The following ZNF48 variants were observed in gnomAD, a reference collection of about 807,000 sequenced individuals.
ZNF48 encodes zinc finger protein 553.
In ZNF48, 20 loss-of-function variants were observed where a neutral mutation model predicts 40.0. The ratio of observed to expected loss-of-function variants is 0.50; its 90% CI spans 0.35 to 0.73. The LOEUF (loss-of-function observed/expected upper bound fraction) is 0.73. Ranked by LOEUF, ZNF48 falls within the 30% of genes least tolerant of loss-of-function variation. The pLI is 0.01. For synonymous variants in ZNF48, 298 were observed against 329.7 expected (o/e 0.90, Z 1.04); for missense variants, 726 against 851.9 (o/e 0.85, Z 1.84).
Position 30,382,171 on chromosome 16 carries a change from C to G in ZNF48, c.-16+3761C>G, listed in dbSNP as rs1378888330. 1 of 1,609,138 alleles carries G rather than the reference C, an allele frequency of 6.2e-7. No homozygotes were observed. Among genetic ancestry groups the G allele is most frequent in the Non-Finnish European group, 8.5e-7 (1 of 1,177,808 alleles). On this transcript the variant is annotated intron_variant, in intron 1 of 2. Transcript: ENST00000528032. This position sits in a 1 kb window ranked among gnomAD's most constrained non-coding sequence, Gnocchi z 4.8. ...TTGATGAGGGTGGATTTCCCTAGGCCTGACTCCCCTGTGGACAGAACAGGC... is the reference window on the plus strand; with the variant it reads ...TTGATGAGGGTGGATTTCCCTAGGCGTGACTCCCCTGTGGACAGAACAGGC...
chr16:30,379,701 T>A (rs2049815914), intron 1 of ZNF48: 1 of 536,490 alleles, frequency 1.9e-6, no homozygotes, highest in East Asian at 3.3e-5. Context: ...CAGGCTGGAG[T>A]GTTCAAGTGA....
At chr16:30,386,743 C>A (rs150304673) in intron 1 of ZNF48, among the ~76,000 whole-genome samples, 4 of 151,988 alleles carry the variant, frequency 2.6e-5, no homozygotes, top group Non-Finnish European at 4.4e-5. Context: ...CGGCTCACTG[C>A]AACCTCTGCC....
upstream of ZNF48, among the ~76,000 whole-genome samples, chr16:30,391,190 G>A (rs748791381): frequency 6.6e-6 from 1 of 151,944 alleles, no homozygotes; most frequent in Non-Finnish European, 1.5e-5. Flanking sequence ...CACACATTAG[G>A]TTTTCTTTTA....
At chr16:30,385,890 C>T (rs1369537524) in intron 1 of ZNF48, among the ~76,000 whole-genome samples, 3 of 151,914 alleles carry the variant, frequency 2.0e-5, no homozygotes, top group African/African-American at 7.3e-5. Context: ...CTTTGGGAGG[C>T]TGAGGTGGGA....
chr16:30,382,370 G>A lies in ZNF48; in HGVS notation c.-16+3960G>A, dbSNP rs41292382. On this transcript the variant is annotated intron_variant, in intron 1 of 2. Coordinates refer to the ZNF48 transcript ENST00000528032. The surrounding 1 kb of genome is among the most constrained non-coding windows in gnomAD (Gnocchi z 4.8). ...AAAACCCACGTACTCCTTGTCCTAT[G>A]GATGGGGGTGGACAATATGAGGCTG... The A allele has an allele frequency of 6.2e-7, 1 of 1,606,658 alleles. No individual in the cohort carries two copies. Among genetic ancestry groups the A allele is most frequent in the Non-Finnish European group, 8.5e-7 (1 of 1,175,328 alleles).
chr16:30,386,760 G>A (rs1192039193), intron 1 of ZNF48, among the ~76,000 whole-genome samples: 2 of 151,738 alleles, frequency 1.3e-5, no homozygotes, highest in Non-Finnish European at 2.9e-5. Flanking sequence ...TGCCTCCCGG[G>A]TTCAAGTGAT....
intron 2 of ZNF48, among the ~76,000 whole-genome samples, chr16:30,396,179 C>T (rs1008052544): frequency 1.3e-5 from 2 of 152,178 alleles, no homozygotes; most frequent in Non-Finnish European, 2.9e-5. Flanking sequence ...GATGCATTCT[C>T]TCGCCAGCTT....
Position 30,399,159 on chromosome 16 carries a change from G to C in ZNF48, c.*52G>C. 1 of 1,485,260 alleles carries C rather than the reference G, an allele frequency of 6.7e-7. No homozygotes were observed. 92.0% of individuals were successfully genotyped at this position (1,485,260 alleles called of 1,614,324 possible). On this transcript the variant is annotated 3_prime_UTR_variant, in exon 3 of 3. Transcript: ENST00000613509. Reference sequence around the variant, plus strand: ...GGAGACCAAAGGGAGGGGCTCTGCCGCTTAGCAGAGAAGAAAGGGCCTGGG... The same window carrying C: ...GGAGACCAAAGGGAGGGGCTCTGCCCCTTAGCAGAGAAGAAAGGGCCTGGG...
In ZNF48 at chr16:30,380,176, A is replaced by G. The variant is rs550021133; in HGVS notation, c.-16+1766A>G. ...AAGACAGAGATGGGGAGAGATGGAC[A>G]TACAGGAAGACAAAAACAAAATCTC... On this transcript the variant is annotated intron_variant, in intron 1 of 2. Transcript: ENST00000528032. The G allele has an allele frequency of 1.6e-5, 9 of 561,104 alleles. No individual in the cohort carries two copies. In the South Asian group the frequency reaches 1.8e-4, roughly 11 times the overall value. The allele number at this position is 561,104 out of a possible 1,614,324, so 34.8% of individuals were successfully genotyped here.
intron 1 of ZNF48, among the ~76,000 whole-genome samples, chr16:30,388,982 C>T (rs925625139): frequency 1.7e-4 from 26 of 151,964 alleles, no homozygotes; most frequent in Admixed American, 1.3e-3. Context: ...CTCTTGTGGC[C>T]GGGTGTGGTG....
upstream of ZNF48, chr16:30,395,249 G>T: frequency 2.2e-6 from 1 of 456,280 alleles, no homozygotes; most frequent in Middle Eastern, 3.3e-4. The surrounding 1 kb of genome is among the most constrained non-coding windows in gnomAD (Gnocchi z 5.9). Context: ...GGAGGCACAC[G>T]GTTAATACCA....
At chr16:30,380,884 T>A in intron 1 of ZNF48, 1 of 563,816 alleles carries the variant, frequency 1.8e-6, no homozygotes, top group South Asian at 2.1e-5. Flanking sequence ...CTCATGTCTA[T>A]GCTCCTGCCC....
chr16:30,395,484 C>T lies in ZNF48; in HGVS notation c.-110C>T. 1 of 327,610 alleles carries T rather than the reference C, an allele frequency of 3.1e-6. No individual in the cohort carries two copies. Among genetic ancestry groups the T allele is most frequent in the South Asian group, 2.2e-5 (1 of 44,912 alleles). 20.3% of individuals were successfully genotyped at this position (327,610 alleles called of 1,614,324 possible). ...AGCCCGCTCCCGGCTTGGCGCGGAG[C>T]CTGCATCCCGGAGCCGCTGGCGGCT... On this transcript the variant is annotated 5_prime_UTR_variant, in exon 1 of 3. Coordinates refer to ENST00000613509, the MANE Select transcript of ZNF48 (RefSeq NM_001214909.2). This position sits in a 1 kb window ranked among gnomAD's most constrained non-coding sequence, Gnocchi z 5.9.
rs935067883 is a variant in ZNF48, at chr16:30,395,941, G to A, written c.79+68G>A. 21 of 1,418,172 alleles carry A rather than the reference G, an allele frequency of 1.5e-5. No individual in the cohort carries two copies. The African/African-American group carries it at 2.7e-4, about 19-fold the overall frequency. 87.8% of individuals were successfully genotyped at this position (1,418,172 alleles called of 1,614,324 possible). A position where few individuals can be genotyped will look rare whatever the true frequency, so the allele number is the denominator to read the frequency against. ...GGTGGGGACTGCGATGCTTGGCTGTGGCCGGCCGAGATCCTGGAAGATCGG... is the reference window on the plus strand; with the variant it reads ...GGTGGGGACTGCGATGCTTGGCTGTAGCCGGCCGAGATCCTGGAAGATCGG... On this transcript the variant is annotated intron_variant, in intron 2 of 2. Coordinates refer to ENST00000613509, the MANE Select transcript of ZNF48 (RefSeq NM_001214909.2). This position sits in a 1 kb window ranked among gnomAD's most constrained non-coding sequence, Gnocchi z 5.9.
intron 1 of ZNF48, chr16:30,378,813 C>G: frequency 1.1e-6 from 1 of 890,690 alleles, no homozygotes; most frequent in Non-Finnish European, 1.6e-6. Flanking sequence ...GAGCCAGTTC[C>G]TTGAGGTTAG....
At chr16:30,389,609 T>G (rs1032841864) in intron 1 of ZNF48, among the ~76,000 whole-genome samples, 1 of 149,882 alleles carries the variant, frequency 6.7e-6, no homozygotes, top group Non-Finnish European at 1.5e-5. Flanking sequence ...TTGGTCATTG[T>G]GTTAAATGTA....
In ZNF48 at chr16:30,378,800, G is replaced by T. The variant is rs2049790998; in HGVS notation, c.-16+390G>T. The T allele has an allele frequency of 4.1e-6, 5 of 1,222,180 alleles. No homozygotes were observed. In the East Asian group the frequency reaches 7.5e-5, roughly 18 times the overall value. The allele number at this position is 1,222,180 out of a possible 1,614,324, so 75.7% of individuals were successfully genotyped here. ...CTGGGGCGAGGTTGGGGTCTAGGAG[G>T]CGGAGCCAGTTCCTTGAGGTTAGGG... On this transcript the variant is annotated intron_variant, in intron 1 of 2. Transcript: ENST00000528032.
upstream of ZNF48, among the ~76,000 whole-genome samples, chr16:30,393,117 C>A (rs1387990093): frequency 1.3e-5 from 2 of 152,162 alleles, no homozygotes; most frequent in African/African-American, 4.8e-5. Context: ...GCTCTTGTCC[C>A]CCAGGCTGGA....
chr16:30,399,322 C>A lies in ZNF48; in HGVS notation c.*215C>A. On this transcript the variant is annotated 3_prime_UTR_variant, in exon 3 of 3. Coordinates refer to ENST00000613509, the MANE Select transcript of ZNF48 (RefSeq NM_001214909.2). ...GACCTTGCCAGGACGGGCTGTACCC[C>A]TGGCTTCTAGAAGACTGCCTAGCAC... 1.9e-6 allele frequency: 1 copy of A among 520,224 alleles called. No individual in the cohort carries two copies. The highest frequency in any genetic ancestry group is 3.4e-6 in the Non-Finnish European group (1 of 297,372). 32.2% of individuals were successfully genotyped at this position (520,224 alleles called of 1,614,324 possible).
Sources: gnomAD v4.1 joint callset for allele counts (sites outside exome capture counted in the v4.1 genomes callset) on GRCh38, gnomAD v4.1.1 for gene constraint, Gnocchi (gnomAD v3.1) non-coding constraint, MANE v1.5 for transcripts, NCBI Gene and HGNC (gene_info 2026-07-23, HGNC 2026-07-21) for gene names.